STYXL1: variants seen among roughly 807,000 people sequenced by gnomAD.
STYXL1 encodes the protein serine/threonine/tyrosine-interacting-like protein 1.
Under a neutral mutation model 36.4 loss-of-function variants are expected in STYXL1, and 32 were observed. That is an observed-to-expected ratio of 0.88 (90% confidence interval 0.66 to 1.18). STYXL1 has a LOEUF of 1.18. Ranked by LOEUF, STYXL1 falls within the 50% of genes most tolerant of loss-of-function variation. STYXL1 has a pLI of 0.00. For missense variants in STYXL1, 354 were observed against 394.1 expected (o/e 0.90, Z 0.86); for synonymous variants, 133 against 144.1 (o/e 0.92, Z 0.55).
intron 4 of STYXL1, among the ~76,000 whole-genome samples, chr7:76,020,329 C>G (rs1175364598): frequency 6.6e-6 from 1 of 152,186 alleles, no homozygotes. Context: ...GTGTGAGTGC[C>G]CCCAGCTTCT....
chr7:76,014,890 T>C (rs773475389), intron 4 of STYXL1, among the ~76,000 whole-genome samples: 46 of 152,012 alleles, frequency 3.0e-4, no homozygotes, highest in Admixed American at 7.9e-4. Context: ...TGGAACAAAA[T>C]AGATAACCCA....
chr7:76,004,282 T>C (rs13242354), intron 6 of STYXL1, among the ~76,000 whole-genome samples: 1 of 152,144 alleles, frequency 6.6e-6, no homozygotes, highest in Non-Finnish European at 1.5e-5. Context: ...TTAGTAGAGA[T>C]GGGGTTTCAC....
chr7:76,043,997 T>C (rs146462357), intron 1 of STYXL1: 2 of 152,352 alleles, frequency 1.3e-5, no homozygotes, highest in Non-Finnish European at 2.9e-5. Context: ...TTCTACTTCT[T>C]GACTGTGGAA....
chr7:76,004,956 G>A (rs1272348285), intron 6 of STYXL1, among the ~76,000 whole-genome samples: 1 of 152,118 alleles, frequency 6.6e-6, no homozygotes, highest in Non-Finnish European at 1.5e-5. Flanking sequence ...AGCCGAGATT[G>A]TGCCACTGCA....
rs1185207330 is a variant in STYXL1 at position 76,038,422 on chromosome 7, A to T, written c.-4-7895T>A. 8.3e-5 allele frequency among the ~76,000 whole-genome samples: 11 copies of T among 132,236 alleles called. 1 individual carries two copies. The highest frequency in any genetic ancestry group is 2.3e-4 in the Admixed American group (3 of 12,990). The allele number at this position is 132,236 out of a possible 152,430, so 86.8% of individuals were successfully genotyped here. A position where few individuals can be genotyped will look rare whatever the true frequency, so the allele number is the denominator to read the frequency against. ...GCTTTATGTTTGGGAATTGAATGAC[A>T]TTTTTTTTTTTTTTTTTCCTGAGAC... On this transcript the variant is annotated intron_variant, in intron 1 of 8. Coordinates refer to ENST00000359697, the MANE Select transcript of STYXL1 (RefSeq NM_001317785.2).
intron 1 of STYXL1, among the ~76,000 whole-genome samples, chr7:76,031,790 C>T (rs1297678604): frequency 1.3e-5 from 2 of 151,824 alleles, no homozygotes; most frequent in African/African-American, 2.4e-5. Context: ...GAGCCATATA[C>T]ATACCACATG....
Position 76,034,564 on chromosome 7 carries a change from C to T in STYXL1, c.-4-4037G>A, listed in dbSNP as rs565458449. 1.4e-4 allele frequency among the ~76,000 whole-genome samples: 22 copies of T among 152,298 alleles called. 1 individual carries two copies. In the South Asian group the frequency reaches 2.7e-3, roughly 19 times the overall value. ...CCAGCTCTGCATGGAAGAATGCCCC[C>T]GGGCTTACTTTCCTTTTTTTCTGCT... On this transcript the variant is annotated intron_variant, in intron 1 of 8. Coordinates refer to ENST00000359697, the MANE Select transcript of STYXL1 (RefSeq NM_001317785.2).
At chr7:76,019,717 T>A (rs1793822000) in intron 4 of STYXL1, among the ~76,000 whole-genome samples, 1 of 151,724 alleles carries the variant, frequency 6.6e-6, no homozygotes, top group Non-Finnish European at 1.5e-5. Flanking sequence ...ACAGGAAGAA[T>A]CTGGAATCTG....
intron 4 of STYXL1, among the ~76,000 whole-genome samples, chr7:76,018,453 C>T (rs1041562763): frequency 6.6e-6 from 1 of 151,844 alleles, no homozygotes; most frequent in Admixed American, 6.6e-5. Flanking sequence ...TACAATAGCA[C>T]AAACTCGGCT....
chr7:76,040,129 C>T (rs1203431707), intron 1 of STYXL1, among the ~76,000 whole-genome samples: 3 of 152,140 alleles, frequency 2.0e-5, no homozygotes, highest in Non-Finnish European at 4.4e-5. Context: ...TCTGCTCATA[C>T]GGCAACTAGG....
chr7:76,024,948 C>CAAAAAAAAA (rs56728505), intron 3 of STYXL1, among the ~76,000 whole-genome samples: 1 of 72,418 alleles, frequency 1.4e-5, no homozygotes, highest in Non-Finnish European at 2.6e-5. Flanking sequence ...GACTCTGTCT[C>CAAAAAAAAA]AAAAAAAAAA....
chr7:76,043,509 G>A (rs1223737582), intron 1 of STYXL1, among the ~76,000 whole-genome samples: 3 of 151,984 alleles, frequency 2.0e-5, no homozygotes, highest in Admixed American at 2.0e-4. Context: ...ATGGCATGTG[G>A]TGGAGGATTC....
At chr7:76,018,837 C>T (rs1026666317) in intron 4 of STYXL1, among the ~76,000 whole-genome samples, 1 of 152,164 alleles carries the variant, frequency 6.6e-6, no homozygotes, top group Non-Finnish European at 1.5e-5. Flanking sequence ...CATGTAAAAG[C>T]TTTGGTGTGG....
chr7:75,997,987 A>G (rs1427768532), intron 8 of STYXL1, among the ~76,000 whole-genome samples: 1 of 152,218 alleles, frequency 6.6e-6, no homozygotes, highest in African/African-American at 2.4e-5. Flanking sequence ...TGGGTTGGAA[A>G]GCTTAATATT....
At chr7:76,010,098 G>T (rs1248835856) in intron 5 of STYXL1, among the ~76,000 whole-genome samples, 1 of 152,068 alleles carries the variant, frequency 6.6e-6, no homozygotes, top group Non-Finnish European at 1.5e-5. Flanking sequence ...AGCAGCGTAG[G>T]GTTTGCAGAG....
chr7:76,013,510 T>C (rs1792866994), intron 5 of STYXL1, among the ~76,000 whole-genome samples: 1 of 151,656 alleles, frequency 6.6e-6, no homozygotes, highest in Admixed American at 6.6e-5. Context: ...CTGCAACCTC[T>C]GCCTCCTGGG....
chr7:76,017,094 G>A (rs891270202), intron 4 of STYXL1, among the ~76,000 whole-genome samples: 8 of 151,910 alleles, frequency 5.3e-5, no homozygotes, highest in Non-Finnish European at 8.8e-5. Flanking sequence ...CGATCTCGGC[G>A]CACTGCAACC....
chr7:76,005,493 C>A, intron 5 of STYXL1, 89 bp from the exon 6 acceptor site: 3 of 1,284,004 alleles, frequency 2.3e-6, no homozygotes, highest in South Asian at 1.4e-5. Flanking sequence ...AGCAAACGAG[C>A]GTAAAAGGGC....
chr7:76,030,337 C>A lies in STYXL1; in HGVS notation c.103+84G>T. 4 of 1,046,266 alleles carry A rather than the reference C, an allele frequency of 3.8e-6. No homozygotes were observed. In the South Asian group the frequency reaches 5.3e-5, roughly 14 times the overall value. 64.8% of individuals were successfully genotyped at this position (1,046,266 alleles called of 1,614,324 possible). ...TCTAAAGTCATTCACTGCCCCCCACCCCGCCAAAAGTTTGTTAACTCATCA... is the reference window on the plus strand; with the variant it reads ...TCTAAAGTCATTCACTGCCCCCCACACCGCCAAAAGTTTGTTAACTCATCA... On this transcript the variant is annotated intron_variant, in intron 2 of 8. Transcript: ENST00000359697.
Sources: allele counts gnomAD v4.1 joint callset (sites outside exome capture counted in the v4.1 genomes callset), GRCh38; gene constraint gnomAD v4.1.1; transcripts MANE v1.5; gene names NCBI Gene and HGNC (gene_info 2026-07-23, HGNC 2026-07-21).